The following MYH14 variants were observed in gnomAD, a reference collection of about 807,000 sequenced individuals.
MYH14 encodes the protein myosin heavy chain 14.
A neutral mutation model predicts 255.5 loss-of-function variants in MYH14; 123 were observed. That is an observed-to-expected ratio of 0.48 (90% CI 0.42 to 0.56). The LOEUF (loss-of-function observed/expected upper bound fraction) is 0.56. MYH14 is among the 20% of genes least tolerant of loss of function. The pLI, the probability that MYH14 is intolerant of heterozygous loss-of-function variation, is 0.00. For synonymous variants in MYH14, 1,095 were observed against 1,161.2 expected, an observed-to-expected ratio of 0.94 and a Z score of 1.16; for missense variants, 2,423 against 2,802.3, an observed-to-expected ratio of 0.86 and a Z score of 3.06.
intron 2 of MYH14, among the ~76,000 whole-genome samples, chr19:50,213,285 A>G (rs2032295833): frequency 6.6e-6 from 1 of 152,186 alleles, no homozygotes; most frequent in Admixed American, 6.5e-5. Context: ...GAGCGCTCCC[A>G]GCAACCTTGT....
Position 50,278,282 on chromosome 19 carries a change from G to T in MYH14, c.4025G>T (p.Arg1342Leu). The change falls in exon 30 of 43, where the codon CGA becomes CTA. Residue 1342 changes from arginine to leucine, a missense_variant. By Grantham distance (102) the Arg-to-Leu change is moderately radical. Transcript: ENST00000642316. Reference sequence around the variant, plus strand: ...GCGGAGGCTGCTGAGAAGCTGCAGCGAGCCCAGGTAAGTGGGGTGGGCAGG... The same window carrying T: ...GCGGAGGCTGCTGAGAAGCTGCAGCTAGCCCAGGTAAGTGGGGTGGGCAGG... ...ARAEAAEKLQ[R>L]AQAELENVSG... 6.5e-7 allele frequency: 1 copy of T among 1,549,840 alleles called. No individual in the cohort carries two copies. The highest frequency in any genetic ancestry group is 1.4e-5 in the African/African-American group (1 of 73,558).
intron 5 of MYH14, 47 bp downstream of exon 5, chr19:50,223,396 G>A: frequency 7.8e-7 from 1 of 1,283,898 alleles, no homozygotes; most frequent in Non-Finnish European, 1.1e-6. Flanking sequence ...CCACAGCACT[G>A]CCCCTTCCAT....
At chr19:50,297,569 C>T (rs2036319084) in intron 39 of MYH14, among the ~76,000 whole-genome samples, 1 of 130,266 alleles carries the variant, frequency 7.7e-6, no homozygotes, top group South Asian at 2.7e-4. Context: ...CTGATCTTAG[C>T]TCACTGCAAC....
Position 50,289,476 on chromosome 19 carries a change from C to G in MYH14, c.4793C>G (p.Ala1598Gly), listed in dbSNP as rs1467482944. Reference protein sequence around the residue: ...LERACRVAEQAANDLRAQVTE... With the variant: ...LERACRVAEQGANDLRAQVTE... ...CGAGCCTGCCGGGTAGCAGAACAGG[C>G]AGCCAATGATCTGCGAGCACAGGTG... The change falls in exon 35 of 43, where the codon GCA becomes GGA. Residue 1598 changes from alanine (A) to glycine (G), a missense_variant. Physicochemically the swap from Ala to Gly is moderately conservative, Grantham distance 60. Transcript: ENST00000642316. 1.2e-6 allele frequency: 2 copies of G among 1,612,650 alleles called. No homozygotes were observed. The highest frequency in any genetic ancestry group is 1.3e-5 in the African/African-American group (1 of 74,904).
Position 50,252,522 on chromosome 19 carries a change from C to T in MYH14, c.1831-117C>T, listed in dbSNP as rs2034439929. ...GGACACAAGGTGGCACCAGTGCTCGCTTGTCCATGGTGAGCTCCAGACCTG... is the reference window on the plus strand; with the variant it reads ...GGACACAAGGTGGCACCAGTGCTCGTTTGTCCATGGTGAGCTCCAGACCTG... On this transcript the variant is annotated intron_variant, in intron 15 of 42. Coordinates refer to ENST00000642316, the MANE Select transcript of MYH14 (RefSeq NM_001145809.2). The surrounding 1 kb of genome is among the most constrained non-coding windows in gnomAD (Gnocchi z 4.2). 1 of 738,032 alleles carries T rather than the reference C, an allele frequency of 1.4e-6. No individual in the cohort carries two copies. The highest frequency in any genetic ancestry group is 2.4e-6 in the Non-Finnish European group (1 of 416,014). The allele number at this position is 738,032 out of a possible 1,614,324, so 45.7% of individuals were successfully genotyped here. A position where few individuals can be genotyped will look rare whatever the true frequency, so the allele number is the denominator to read the frequency against.
intron 10 of MYH14, 70 bp downstream of exon 10, chr19:50,232,140 G>A: frequency 1.1e-5 from 18 of 1,579,802 alleles, no homozygotes; most frequent in Admixed American, 1.7e-5. Flanking sequence ...GGCCATTCAT[G>A]CCCCGATCTC....
At chr19:50,256,807 T>C (rs2034607924) in intron 17 of MYH14, among the ~76,000 whole-genome samples, 1 of 151,190 alleles carries the variant, frequency 6.6e-6, no homozygotes, top group Non-Finnish European at 1.5e-5. Flanking sequence ...ATTCCTAAAA[T>C]GCAACTGCAG....
rs2035307267 is a variant in MYH14, at chr19:50,271,679, A to C, written c.3171+133A>C. 2.1e-6 allele frequency: 3 copies of C among 1,456,880 alleles called. No individual in the cohort carries two copies. In the African/African-American group the frequency reaches 4.2e-5, roughly 20 times the overall value. 90.2% of individuals were successfully genotyped at this position (1,456,880 alleles called of 1,614,324 possible). ...GCACCGGTGGGGGTGGGATGGGTCT[A>C]TAGCCCCAAGGGAATGGGAAGGAGA... On this transcript the variant is annotated intron_variant, in intron 25 of 42. Coordinates refer to ENST00000642316, the MANE Select transcript of MYH14 (RefSeq NM_001145809.2).
intron 3 of MYH14, among the ~76,000 whole-genome samples, chr19:50,218,202 A>G (rs1467861444): frequency 1.3e-5 from 2 of 151,174 alleles, no homozygotes; most frequent in Non-Finnish European, 3.0e-5. Flanking sequence ...CTGGTCTCAA[A>G]CTCCTGACCT....
chr19:50,223,349 C>G lies in MYH14; in HGVS notation c.693C>G (p.Pro231=), dbSNP rs373744231. The change falls in exon 5 of 43, where the codon CCC becomes CCG. Residue 231 remains proline, a splice_region_variant and synonymous_variant. Coordinates refer to ENST00000642316, the MANE Select transcript of MYH14 (RefSeq NM_001145809.2). The part of the protein sequence containing the change: ...SPKGRKEPGV[P]ASVSTVSYGE... Reference sequence around the variant, plus strand: ...AGGGCAGGAAGGAGCCGGGTGTCCCCGTAAGCAACCCCGCCTTGGGTCACC... The same window carrying G: ...AGGGCAGGAAGGAGCCGGGTGTCCCGGTAAGCAACCCCGCCTTGGGTCACC... The G allele has an allele frequency of 2.6e-6, 4 of 1,563,998 alleles. No individual in the cohort carries two copies. Among genetic ancestry groups the G allele is most frequent in the Non-Finnish European group, 3.5e-6 (4 of 1,153,668 alleles).
Position 50,268,371 on chromosome 19 carries a change from T to C in MYH14, c.3033+4T>C, listed in dbSNP as rs773688776. 9.0e-6 allele frequency: 14 copies of C among 1,561,388 alleles called. No homozygotes were observed. The highest frequency in any genetic ancestry group is 1.2e-5 in the Non-Finnish European group (14 of 1,154,056). ...GAGGCTGCAGCAGCACATACAGGTCTGGCCCCTTGCATGCCCACCAGGCCA... is the reference window on the plus strand; with the variant it reads ...GAGGCTGCAGCAGCACATACAGGTCCGGCCCCTTGCATGCCCACCAGGCCA... On this transcript the variant is annotated splice_donor_region_variant and intron_variant, in intron 24 of 42. Transcript: ENST00000642316.
intron 6 of MYH14, 102 bp downstream of exon 6, chr19:50,224,279 C>G: frequency 1.3e-6 from 2 of 1,510,044 alleles, no homozygotes; most frequent in Non-Finnish European, 1.8e-6. Flanking sequence ...CAGCAGTGGT[C>G]CCACCTGCCA....
At position 50,280,299 on chromosome 19, in the gene MYH14, G is replaced by A. The variant is rs1346222278; in HGVS notation, c.4206G>A (p.Glu1402=). The change falls in exon 32 of 43, where the codon GAG becomes GAA. Residue 1402 remains glutamate (E), a synonymous_variant. Transcript: ENST00000642316. The surrounding 1 kb of genome is among the most constrained non-coding windows in gnomAD (Gnocchi z 4.8). ...LGSRVRAMEA[E]AAGLREQLEE... ...CCCGGGTGCGAGCCATGGAGGCTGA[G>A]GCAGCCGGGCTGCGTGAGCAGCTGG... The A allele has an allele frequency of 6.4e-7, 1 of 1,551,050 alleles. No homozygotes were observed. Among genetic ancestry groups the A allele is most frequent in the Non-Finnish European group, 8.7e-7 (1 of 1,146,908 alleles).
intron 18 of MYH14, 103 bp downstream of exon 18, chr19:50,257,589 T>C: frequency 8.3e-7 from 1 of 1,198,380 alleles, no homozygotes; most frequent in Non-Finnish European, 1.2e-6. Context: ...ACCCTCAAAT[T>C]AGCTGTGTGG....
intron 21 of MYH14, 58 bp from the exon 22 acceptor site, chr19:50,263,254 G>A (rs1303632238): frequency 8.9e-7 from 1 of 1,119,616 alleles, no homozygotes. Flanking sequence ...TGGCTCTCTT[G>A]CTAAGGGGAT....
chr19:50,262,500 T>C (rs1187941684), intron 21 of MYH14, among the ~76,000 whole-genome samples: 1 of 149,908 alleles, frequency 6.7e-6, no homozygotes, highest in African/African-American at 2.5e-5. Flanking sequence ...ATCATGTCAC[T>C]GCACTCCAGC....
At chr19:50,294,229 A>C (rs2036184884) in intron 39 of MYH14, among the ~76,000 whole-genome samples, 1 of 152,138 alleles carries the variant, frequency 6.6e-6, no homozygotes, top group African/African-American at 2.4e-5. Flanking sequence ...ATACAAGTGA[A>C]AATGGAGGAA....
chr19:50,225,598 G>T lies in MYH14; in HGVS notation c.731G>T (p.Arg244Leu). Reference protein sequence around the residue: ...VSTVSYGELERQLLQANPILE... With the variant: ...VSTVSYGELELQLLQANPILE... ...TGTGCCCGGCAGGGTGAGCTGGAGC[G>T]GCAGCTGCTTCAGGCCAACCCCATC... The change falls in exon 7 of 43, where the codon CGG becomes CTG. Residue 244 changes from arginine to leucine, a missense_variant. Around this residue, in one of 3 missense-constraint regions of MYH14, gnomAD observed 672 missense variants for 881.8 expected, o/e 0.76. Coordinates refer to ENST00000642316, the MANE Select transcript of MYH14 (RefSeq NM_001145809.2). 1.2e-6 allele frequency: 2 copies of T among 1,612,692 alleles called. No homozygotes were observed. Among genetic ancestry groups the T allele is most frequent in the Non-Finnish European group, 1.7e-6 (2 of 1,179,628 alleles).
In MYH14 at chr19:50,257,677, A is replaced by G. The variant is rs393368; in HGVS notation, c.2232+191A>G. Reference sequence around the variant, plus strand: ...ATGCATTCATATGACTTAATGTATTAAGCATCTACTGTGCTGGGAACAGGT... The same window carrying G: ...ATGCATTCATATGACTTAATGTATTGAGCATCTACTGTGCTGGGAACAGGT... On this transcript the variant is annotated intron_variant, in intron 18 of 42. Transcript: ENST00000642316. Among the ~76,000 whole-genome samples, 83,001 of 152,034 alleles carry G rather than the reference A, an allele frequency of 0.55. 23,097 individuals are homozygous for G. Among genetic ancestry groups the G allele is most frequent in the East Asian group, 0.69 (3,560 of 5,176 alleles).
Sources: gnomAD v4.1 joint callset for allele counts (sites outside exome capture counted in the v4.1 genomes callset) on GRCh38, gnomAD v4.1.1 for gene constraint, gnomAD v4.1.1 regional missense constraint, Gnocchi (gnomAD v3.1) non-coding constraint, MANE v1.5 for transcripts, NCBI Gene and HGNC (gene_info 2026-07-23, HGNC 2026-07-21) for gene names.